The following NFU1 variants were observed in gnomAD, a reference collection of about 807,000 sequenced individuals.
The protein encoded by NFU1 is NFU1 iron-sulfur cluster scaffold homolog, mitochondrial.
NFU1 carries 30 observed loss-of-function variants against 32.2 expected under a neutral mutation model. The observed-to-expected ratio is 0.93, with a 90% CI of 0.70 to 1.26. The LOEUF is 1.26. Ranked by LOEUF, NFU1 falls within the 50% of genes most tolerant of loss-of-function variation. The pLI is 0.00. For synonymous variants in NFU1, 112 were observed against 104.6 expected (o/e 1.07, Z -0.43); for missense variants, 306 against 306.6 (o/e 1.00, Z 0.02).
intron 1 of NFU1, among the ~76,000 whole-genome samples, chr2:69,433,746 G>C (rs1262347498): frequency 6.6e-6 from 1 of 152,132 alleles, no homozygotes; most frequent in African/African-American, 2.4e-5. Context: ...AAAATGCTGG[G>C]ATTACACAGC....
chr2:69,422,518 C>G (rs925031895), intron 3 of NFU1, among the ~76,000 whole-genome samples: 10 of 151,876 alleles, frequency 6.6e-5, no homozygotes, highest in African/African-American at 1.9e-4. Flanking sequence ...ATTCAACTAC[C>G]CTTATGAATA....
At chr2:69,408,299 C>A (rs917566387) in intron 5 of NFU1, among the ~76,000 whole-genome samples, 2 of 152,146 alleles carry the variant, frequency 1.3e-5, no homozygotes, top group Non-Finnish European at 2.9e-5. Context: ...AAATATGCCT[C>A]AATATTTAAA....
At chr2:69,437,283 A>T in intron 1 of NFU1, 78 bp downstream of exon 1, 1 of 1,542,148 alleles carries the variant, frequency 6.5e-7, no homozygotes, top group Non-Finnish European at 8.7e-7. Flanking sequence ...GCCTCGAGAG[A>T]GGGTCTGCAA....
chr2:69,402,134 A>G (rs960345462), intron 6 of NFU1, among the ~76,000 whole-genome samples: 1 of 152,150 alleles, frequency 6.6e-6, no homozygotes, highest in Non-Finnish European at 1.5e-5. Flanking sequence ...ACCTCAGGTG[A>G]TCCGCTCACC....
chr2:69,397,538 A>ATTTTTATT (rs1672378675), intron 7 of NFU1, among the ~76,000 whole-genome samples: 1 of 152,170 alleles, frequency 6.6e-6, no homozygotes, highest in East Asian at 1.9e-4. Flanking sequence ...AATGTTCCTC[A>ATTTTTATT]GTCAATCCAC....
At chr2:69,416,030 G>A (rs893749750) in intron 4 of NFU1, 1 of 151,792 alleles carries the variant, frequency 6.6e-6, no homozygotes, top group African/African-American at 2.4e-5. Flanking sequence ...CAGAAAAAAG[G>A]AAAGGAGGAA....
chr2:69,434,065 G>A (rs1020479961), intron 1 of NFU1, among the ~76,000 whole-genome samples: 1 of 151,652 alleles, frequency 6.6e-6, no homozygotes, highest in Non-Finnish European at 1.5e-5. Context: ...TTATAGGCGT[G>A]AGCCACCATG....
At position 69,407,674 on chromosome 2, in the gene NFU1, C is replaced by CAA. The variant is rs200321994; in HGVS notation, c.485-1594_485-1593dup. On this transcript the variant is annotated intron_variant, in intron 5 of 7. Coordinates refer to ENST00000410022, the MANE Select transcript of NFU1 (RefSeq NM_001002755.4). ...TGGCTAACAGAGCAAGACTCTATCT[C>CAA]AAAAAAAAAAAAAAAAAGAAAAGAA... Among the ~76,000 whole-genome samples, 10 of 103,098 alleles carry CAA rather than the reference C, an allele frequency of 9.7e-5. No individual in the cohort carries two copies. In the East Asian group the frequency reaches 1.1e-3, roughly 11 times the overall value. The allele number at this position is 103,098 out of a possible 152,430, so 67.6% of individuals were successfully genotyped here.
intron 5 of NFU1, chr2:69,410,733 T>C (rs1672852545): frequency 6.6e-6 from 1 of 152,152 alleles, no homozygotes. Flanking sequence ...CATGAGCTCA[T>C]ACCAAGAAAA....
At chr2:69,398,194 G>C (rs1174862681) in intron 7 of NFU1, among the ~76,000 whole-genome samples, 3 of 152,178 alleles carry the variant, frequency 2.0e-5, no homozygotes, top group Non-Finnish European at 4.4e-5. Context: ...AGTTGTTGCA[G>C]AGGAACACAA....
intron 4 of NFU1, among the ~76,000 whole-genome samples, chr2:69,417,864 A>G (rs1673108257): frequency 6.6e-6 from 1 of 152,072 alleles, no homozygotes; most frequent in Admixed American, 6.5e-5. Flanking sequence ...AGGAAAAAAA[A>G]AAAAACCAAA....
chr2:69,420,454 T>A (rs1003857097), intron 3 of NFU1, among the ~76,000 whole-genome samples: 1 of 152,236 alleles, frequency 6.6e-6, no homozygotes, highest in African/African-American at 2.4e-5. Context: ...GATGTAAATG[T>A]TTCAAACAAT....
At chr2:69,398,389 C>G (rs749066170) in intron 7 of NFU1, among the ~76,000 whole-genome samples, 1 of 152,146 alleles carries the variant, frequency 6.6e-6, no homozygotes, top group African/African-American at 2.4e-5. Context: ...TGGACCAAAA[C>G]GATGGTGTGG....
chr2:69,397,085 A>C (rs1019872651), intron 7 of NFU1, among the ~76,000 whole-genome samples: 7 of 152,126 alleles, frequency 4.6e-5, no homozygotes, highest in Non-Finnish European at 1.0e-4. Flanking sequence ...AAAAAAAAAA[A>C]ACAATTTAAC....
At chr2:69,423,168 ATG>A (rs148401517) in intron 3 of NFU1, among the ~76,000 whole-genome samples, 264 of 108,650 alleles carry the variant, frequency 2.4e-3, no homozygotes, top group Non-Finnish European at 3.1e-3. Flanking sequence ...GTGTGTGTGT[ATG>A]TGTGTGTGTG....
chr2:69,419,630 T>C (rs768573293), intron 3 of NFU1, 26 bp from the exon 4 acceptor site: 1 of 1,325,890 alleles, frequency 7.5e-7, no homozygotes, highest in Non-Finnish European at 1.1e-6. Flanking sequence ...AAATAAGAGA[T>C]ATTAAAATGC....
intron 1 of NFU1, chr2:69,437,135 G>C: frequency 1.1e-6 from 1 of 928,938 alleles, no homozygotes; most frequent in Non-Finnish European, 1.6e-6. Flanking sequence ...GGGTCTCTGA[G>C]CCTGAGAGGA....
intron 3 of NFU1, among the ~76,000 whole-genome samples, chr2:69,423,089 A>G (rs868838520): frequency 6.6e-6 from 1 of 151,152 alleles, no homozygotes; most frequent in Non-Finnish European, 1.5e-5. Flanking sequence ...CGATCTTCCC[A>G]TCTCAGCCTT....
chr2:69,428,560 A>G (rs1673541411), intron 2 of NFU1, among the ~76,000 whole-genome samples: 1 of 152,180 alleles, frequency 6.6e-6, no homozygotes, highest in Non-Finnish European at 1.5e-5. Flanking sequence ...CTTATTTTAT[A>G]ATAAGGAGAC....
Sources: allele counts gnomAD v4.1 joint callset (sites outside exome capture counted in the v4.1 genomes callset), GRCh38; gene constraint gnomAD v4.1.1; transcripts MANE v1.5; gene names NCBI Gene and HGNC (gene_info 2026-07-23, HGNC 2026-07-21).